Variants in ACSBG1 observed in about 807,000 individuals in gnomAD.
The protein encoded by ACSBG1 is long-chain-fatty-acid--CoA ligase ACSBG1.
In ACSBG1, 39 loss-of-function variants were observed where a neutral mutation model predicts 80.2. The observed-to-expected ratio is 0.49, with a 90% CI of 0.38 to 0.64. The LOEUF is 0.64. Ranked by LOEUF, ACSBG1 falls within the 30% of genes least tolerant of loss-of-function variation. The pLI is 0.00. For synonymous variants in ACSBG1, 392 were observed against 379.5 expected (o/e 1.03, Z -0.38); for missense variants, 828 against 966.4 (o/e 0.86, Z 1.90).
intron 2 of ACSBG1, among the ~76,000 whole-genome samples, chr15:78,206,518 G>A (rs984530109): frequency 6.6e-5 from 10 of 152,112 alleles, no homozygotes; most frequent in African/African-American, 1.4e-4. Flanking sequence ...CACCTTGGCC[G>A]TCCCTGCCAG....
At chr15:78,173,459 T>TAGA in intron 13 of ACSBG1, 134 bp downstream of exon 13, 1 of 1,217,338 alleles carries the variant, frequency 8.2e-7, no homozygotes. Context: ...TAACAGGAAG[T>TAGA]AGATGGGTGT....
chr15:78,215,735 A>AAAGG (rs1487502799), intron 1 of ACSBG1, among the ~76,000 whole-genome samples: 6 of 125,254 alleles, frequency 4.8e-5, no homozygotes, highest in East Asian at 2.3e-4. Context: ...AGAAAGAAAG[A>AAAGG]AAGAAAGAAA....
At chr15:78,207,917 T>TCCCCCCCACCCCCCCCCCCCACAC in intron 2 of ACSBG1, 85 bp downstream of exon 2, 1 of 876,066 alleles carries the variant, frequency 1.1e-6, no homozygotes, top group Non-Finnish European at 1.8e-6. Context: ...TGTGTGGTGG[T>TCCCCCCCACCCCCCCCCCCCACAC]CCCCCACACC....
chr15:78,193,682 T>TCCCCCCCCCCCCCCACAGTGGCC, intron 4 of ACSBG1, 56 bp from the exon 5 acceptor site: 2 of 1,560,282 alleles, frequency 1.3e-6, no homozygotes, highest in African/African-American at 1.4e-5. Context: ...GCCACCCCCT[T>TCCCCCCCCCCCCCCACAGTGGCC]CCCCCACCCC....
chr15:78,211,148 T>C (rs1239238105), intron 1 of ACSBG1, among the ~76,000 whole-genome samples: 2 of 152,248 alleles, frequency 1.3e-5, no homozygotes, highest in African/African-American at 2.4e-5. Context: ...AAGCTGCCCC[T>C]ACTCTGTCTT....
At position 78,174,501 on chromosome 15, in the gene ACSBG1, C is replaced by T. The variant is rs1268605330; in HGVS notation, c.1726G>A (p.Glu576Lys). The change falls in exon 12 of 14, where the codon GAG becomes AAG. Residue 576 changes from glutamate (E) to lysine (K), a missense_variant. Physicochemically the swap from Glu to Lys is moderately conservative, Grantham distance 56 (BLOSUM62 1). Around this residue, in one of 3 missense-constraint regions of ACSBG1, gnomAD observed 201 missense variants for 227.0 expected, o/e 0.89. Transcript: ENST00000258873. ...TCGATGGGCACAGGGGGCACATTCT[C>T]CCCACCAGCTGTGATGATTAATTCT... ...LKELIITAGG[E>K]NVPPVPIEEA... 1.2e-6 allele frequency: 2 copies of T among 1,614,172 alleles called. No individual in the cohort carries two copies. Among genetic ancestry groups the T allele is most frequent in the Non-Finnish European group, 1.7e-6 (2 of 1,180,018 alleles).
At chr15:78,227,823 G>A (rs2075416169) in intron 1 of ACSBG1, among the ~76,000 whole-genome samples, 1 of 152,230 alleles carries the variant, frequency 6.6e-6, no homozygotes, top group Non-Finnish European at 1.5e-5. Context: ...ATGAACTACT[G>A]AGACACTTGG....
chr15:78,210,103 G>T (rs1008391746), intron 1 of ACSBG1, among the ~76,000 whole-genome samples: 40 of 152,292 alleles, frequency 2.6e-4, no homozygotes, highest in African/African-American at 9.6e-4. Context: ...TCTTGCTGCG[G>T]GTGGGTGCCT....
At chr15:78,215,966 C>T (rs1482763735) in intron 1 of ACSBG1, among the ~76,000 whole-genome samples, 1 of 152,202 alleles carries the variant, frequency 6.6e-6, no homozygotes, top group Non-Finnish European at 1.5e-5. Flanking sequence ...TTTCAAAGCT[C>T]GCCTTCTCTG....
intron 5 of ACSBG1, among the ~76,000 whole-genome samples, chr15:78,185,056 A>G (rs61596120): frequency 3.4e-5 from 3 of 88,644 alleles, no homozygotes; most frequent in Non-Finnish European, 6.3e-5. Flanking sequence ...GGGGAGGGAG[A>G]GAGAGAGAGA....
intron 1 of ACSBG1, among the ~76,000 whole-genome samples, chr15:78,232,689 T>G (rs915817465): frequency 6.8e-6 from 1 of 147,852 alleles, no homozygotes; most frequent in South Asian, 2.1e-4. Flanking sequence ...TTTTTCTTCT[T>G]TTTTTTTTTT....
chr15:78,194,354 T>C, intron 3 of ACSBG1, 152 bp downstream of exon 3: 1 of 717,972 alleles, frequency 1.4e-6, no homozygotes, highest in East Asian at 2.7e-5. Flanking sequence ...GGGCCCAGCA[T>C]GGAGTATCAG....
chr15:78,185,317 G>A (rs1201885219), intron 5 of ACSBG1, among the ~76,000 whole-genome samples: 1 of 152,186 alleles, frequency 6.6e-6, no homozygotes, highest in Non-Finnish European at 1.5e-5. Context: ...TCAAACAGCA[G>A]CTGATGTAGG....
chr15:78,231,786 G>C (rs1410863551), intron 1 of ACSBG1, among the ~76,000 whole-genome samples: 1 of 152,072 alleles, frequency 6.6e-6, no homozygotes, highest in African/African-American at 2.4e-5. Context: ...ACAAGGTCTT[G>C]CTTTGTTGCC....
At chr15:78,232,851 T>C (rs924405238) in intron 1 of ACSBG1, among the ~76,000 whole-genome samples, 2 of 152,088 alleles carry the variant, frequency 1.3e-5, no homozygotes, top group African/African-American at 4.8e-5. Flanking sequence ...CCTGGCTGTT[T>C]GTATTTTTAG....
chr15:78,188,220 G>T (rs1233489065), intron 5 of ACSBG1, among the ~76,000 whole-genome samples: 1 of 151,922 alleles, frequency 6.6e-6, no homozygotes, highest in South Asian at 2.1e-4. Flanking sequence ...TGGGTAGGAA[G>T]AATCAATATC....
In ACSBG1 at chr15:78,182,128, C is replaced by A; in HGVS notation, c.912G>T (p.Arg304=). ...LSQDNITWTA[R]YGSQAGDIRP... ...GGATGTCACCGGCCTGGCTGCCGTA[C>A]CGTGCCGTCCACGTGATCTGGAGGA... The change falls in exon 8 of 14, where the codon CGG becomes CGT. Residue 304 remains arginine (R), a synonymous_variant. Transcript: ENST00000258873. 1 of 1,610,570 alleles carries A rather than the reference C, an allele frequency of 6.2e-7. No individual in the cohort carries two copies. The highest frequency in any genetic ancestry group is 8.5e-7 in the Non-Finnish European group (1 of 1,179,882).
intron 2 of ACSBG1, among the ~76,000 whole-genome samples, chr15:78,196,327 C>A (rs192515083): frequency 6.6e-6 from 1 of 152,248 alleles, no homozygotes; most frequent in Non-Finnish European, 1.5e-5. Context: ...GAGCCTCTAA[C>A]TGTTGCATTT....
At chr15:78,193,485 C>T (rs757689253) in intron 5 of ACSBG1, 21 bp downstream of exon 5, 4 of 1,596,426 alleles carry the variant, frequency 2.5e-6, no homozygotes, top group East Asian at 4.5e-5. Context: ...TGACCCCATG[C>T]CCACTGCCTC....
Sources: gnomAD v4.1 joint callset for allele counts (sites outside exome capture counted in the v4.1 genomes callset) on GRCh38, gnomAD v4.1.1 for gene constraint, gnomAD v4.1.1 regional missense constraint, MANE v1.5 for transcripts, NCBI Gene and HGNC (gene_info 2026-07-23, HGNC 2026-07-21) for gene names.